RICTOR: variants seen among roughly 807,000 people sequenced by gnomAD.
RICTOR encodes RPTOR independent companion of MTOR complex 2.
Under a neutral mutation model 214.9 loss-of-function variants are expected in RICTOR, and 49 were observed. The ratio of observed to expected loss-of-function variants is 0.23; its 90% confidence interval spans 0.18 to 0.29. RICTOR has a LOEUF of 0.29. RICTOR is among the 10% of genes least tolerant of loss of function. RICTOR has a pLI of 1.00. For missense variants in RICTOR, 1,625 were observed against 2,047.0 expected (o/e 0.79, Z 3.98); for synonymous variants, 717 against 711.3 (o/e 1.01, Z -0.13).
At chr5:39,044,241 A>C (rs1056299736) in intron 2 of RICTOR, among the ~76,000 whole-genome samples, 7 of 152,206 alleles carry the variant, frequency 4.6e-5, no homozygotes, top group African/African-American at 1.7e-4. Flanking sequence ...AACATGTATA[A>C]TAAATTCATG....
intron 19 of RICTOR, 42 bp downstream of exon 19, chr5:38,962,273 T>A (rs773337039): frequency 1.0e-6 from 1 of 961,434 alleles, no homozygotes; most frequent in Non-Finnish European, 1.6e-6. Flanking sequence ...AATATCCATA[T>A]TTAAGTTCTT....
At chr5:39,045,810 A>G (rs1052600443) in intron 2 of RICTOR, among the ~76,000 whole-genome samples, 5 of 152,130 alleles carry the variant, frequency 3.3e-5, no homozygotes, top group Non-Finnish European at 5.9e-5. Context: ...TTACCTTCTT[A>G]GAAACTAATA....
Position 38,960,388 on chromosome 5 carries a change from G to T in RICTOR, c.1851+10C>A. On this transcript the variant is annotated intron_variant, in intron 20 of 37. Transcript: ENST00000357387. ...AAACATTTGCTCTGGAAAATATTCAGAATGCCCACCTCTTCAGATTCAAGA... is the reference window on the plus strand; with the variant it reads ...AAACATTTGCTCTGGAAAATATTCATAATGCCCACCTCTTCAGATTCAAGA... 1 of 1,609,142 alleles carries T rather than the reference G, an allele frequency of 6.2e-7. No individual in the cohort carries two copies. The highest frequency in any genetic ancestry group is 1.1e-5 in the South Asian group (1 of 89,898).
At chr5:38,994,184 C>T (rs1294597454) in intron 6 of RICTOR, among the ~76,000 whole-genome samples, 1 of 150,690 alleles carries the variant, frequency 6.6e-6, no homozygotes, top group Non-Finnish European at 1.5e-5. Flanking sequence ...AGCGAGACTC[C>T]ATCTCAAAAA....
Position 38,978,642 on chromosome 5 carries a change from TA to T in RICTOR, c.761del (p.Leu254Ter). On this transcript the variant is annotated frameshift_variant, in exon 9 of 38. Transcript: ENST00000357387. LOFTEE classifies it high-confidence loss of function. ...VRADVELERILAPYTDFHYRH... is the reference protein window; with the variant it reads ...VRADVELERIXAPYTDFHYRH... ...TGTAGTGAAAATCAGTATAGGGTGC[TA>T]AAATTCTCTATTTAAAAAAAAAAAG... 6.6e-7 allele frequency: 1 copy of T among 1,513,108 alleles called. No homozygotes were observed. Among genetic ancestry groups the T allele is most frequent in the Non-Finnish European group, 9.1e-7 (1 of 1,101,116 alleles). 93.7% of individuals were successfully genotyped at this position (1,513,108 alleles called of 1,614,324 possible). A position where few individuals can be genotyped will look rare whatever the true frequency, so the allele number is the denominator to read the frequency against.
intron 2 of RICTOR, among the ~76,000 whole-genome samples, chr5:39,052,597 A>G (rs1004448737): frequency 3.9e-5 from 6 of 152,188 alleles, no homozygotes; most frequent in African/African-American, 1.4e-4. Context: ...ATCTAAAATA[A>G]GGTTTCCCAT....
chr5:39,013,729 A>C (rs1754724780), intron 3 of RICTOR, among the ~76,000 whole-genome samples: 1 of 152,134 alleles, frequency 6.6e-6, no homozygotes, highest in African/African-American at 2.4e-5. Context: ...AGAGCTACAA[A>C]AAAAGTAGAT....
intron 7 of RICTOR, among the ~76,000 whole-genome samples, chr5:38,984,590 C>T (rs921785438): frequency 2.0e-5 from 3 of 152,074 alleles, no homozygotes; most frequent in Non-Finnish European, 4.4e-5. Flanking sequence ...ACAGTTCTGA[C>T]TCTGTCTTTA....
In RICTOR at chr5:38,959,304, G is replaced by T; in HGVS notation, c.2069C>A (p.Ser690Tyr). Residue 690 changes from serine to tyrosine, a missense_variant, in exon 22 of 38, where the codon TCC becomes TAC. Physicochemically the swap from Ser to Tyr is moderately radical, Grantham distance 144 (BLOSUM62 -2). Around this residue, in one of 5 missense-constraint regions of RICTOR, gnomAD observed 1,214 missense variants for 1,470.5 expected, o/e 0.83. Transcript: ENST00000357387. ...SVFQCLLNLC[S>Y]LKNQDHLLKL... is the part of the protein sequence containing the mutation. ...TAGCAAGTGATCTTGGTTTTTCAAG[G>T]AGCAAAGATTAAGGAGACTTAAAAG... 6.4e-7 allele frequency: 1 copy of T among 1,559,256 alleles called. No homozygotes were observed. The highest frequency in any genetic ancestry group is 1.2e-5 in the South Asian group (1 of 83,140).
At position 38,958,715 on chromosome 5, in the gene RICTOR, C is replaced by A; in HGVS notation, c.2295G>T (p.Thr765=). 6.2e-7 allele frequency: 1 copy of A among 1,611,476 alleles called. No homozygotes were observed. The highest frequency in any genetic ancestry group is 8.5e-7 in the Non-Finnish European group (1 of 1,178,870). The change falls in exon 23 of 38, where the codon ACG becomes ACT. Residue 765 remains threonine (T), a synonymous_variant. Coordinates refer to ENST00000357387, the MANE Select transcript of RICTOR (RefSeq NM_152756.5). The part of the protein sequence containing the change: ...LVTQLHDKNK[T]ISSEALDILD... ...GGATATCAAGAGCTTCAGAGGAAAT[C>A]GTTTTGTTTTTATCATGTAGCTGGG...
rs755423699 is a variant in RICTOR, at chr5:38,950,641, C to T, written c.3207G>A (p.Glu1069=). 2 of 1,612,490 alleles carry T rather than the reference C, an allele frequency of 1.2e-6. No individual in the cohort carries two copies. The highest frequency in any genetic ancestry group is 2.2e-5 in the South Asian group (2 of 90,906). Residue 1069 remains glutamate, a synonymous_variant, in exon 31 of 38, where the codon GAG becomes GAA. Transcript: ENST00000357387. ...GTCCAGATCGGTCATAAAATGTTGG[C>T]TCTGTATCTTCATTGATATCAAGGA... is the stretch of plus-strand genomic sequence containing the variant. ...TFFLDINEDT[E]PTFYDRSGPI... is the part of the protein sequence containing the mutation.
chr5:38,995,798 TA>T (rs1753138446), intron 6 of RICTOR, among the ~76,000 whole-genome samples: 1 of 152,150 alleles, frequency 6.6e-6, no homozygotes, highest in Admixed American at 6.5e-5. Context: ...CATAGATTTT[TA>T]AAATCTGAAT....
intron 2 of RICTOR, among the ~76,000 whole-genome samples, chr5:39,028,319 A>C (rs955080738): frequency 4.0e-5 from 6 of 150,016 alleles, no homozygotes; most frequent in Non-Finnish European, 8.9e-5. Flanking sequence ...AGTAGCTGGG[A>C]CTACAGGTGC....
chr5:38,938,487 T>C lies in RICTOR; in HGVS notation c.*3817A>G, dbSNP rs1341945950. On this transcript the variant is annotated 3_prime_UTR_variant, in exon 38 of 38. Transcript: ENST00000357387. The stretch of plus-strand genomic sequence containing the variant: ...AAAGGTATGCTTTTTTTGGCATAAA[T>C]TATATTTTTGAAATTAAATATTCTA... 4.3e-6 allele frequency: 1 copy of C among 232,202 alleles called. No homozygotes were observed. The highest frequency in any genetic ancestry group is 6.1e-5 in the East Asian group (1 of 16,310). The allele number at this position is 232,202 out of a possible 1,614,324, so 14.4% of individuals were successfully genotyped here. A position where few individuals can be genotyped will look rare whatever the true frequency, so the allele number is the denominator to read the frequency against.
chr5:39,059,380 A>G (rs901121686), intron 2 of RICTOR, among the ~76,000 whole-genome samples: 2 of 152,110 alleles, frequency 1.3e-5, no homozygotes, highest in African/African-American at 4.8e-5. Context: ...AGTGCCTGGA[A>G]GGAAACAGAA....
intron 2 of RICTOR, among the ~76,000 whole-genome samples, chr5:39,021,885 G>C (rs554972559): frequency 1.3e-5 from 2 of 152,146 alleles, no homozygotes; most frequent in East Asian, 3.9e-4. Context: ...TAAAAGGGAC[G>C]AAATATACTG....
At chr5:39,008,691 T>G (rs1204990732) in intron 3 of RICTOR, among the ~76,000 whole-genome samples, 1 of 151,678 alleles carries the variant, frequency 6.6e-6, no homozygotes, top group Non-Finnish European at 1.5e-5. Context: ...ACTATTGTTT[T>G]CTCCAGAACT....
chr5:39,053,766 C>A (rs1161312385), intron 2 of RICTOR, among the ~76,000 whole-genome samples: 1 of 149,470 alleles, frequency 6.7e-6, no homozygotes, highest in East Asian at 1.9e-4. Context: ...GTGGCGGGCG[C>A]CTGTAGTCCC....
intron 2 of RICTOR, among the ~76,000 whole-genome samples, chr5:39,066,353 A>G (rs1307513818): frequency 6.6e-6 from 1 of 152,236 alleles, no homozygotes; most frequent in African/African-American, 2.4e-5. Flanking sequence ...AGGCCCGGCT[A>G]GCCCAGGCCC....
Sources: allele counts gnomAD v4.1 joint callset (sites outside exome capture counted in the v4.1 genomes callset), GRCh38; gene constraint gnomAD v4.1.1; regional missense constraint gnomAD v4.1.1; transcripts MANE v1.5; gene names NCBI Gene and HGNC (gene_info 2026-07-23, HGNC 2026-07-21).